Variants in TFAP4 observed in about 807,000 individuals in gnomAD.
TFAP4 encodes the protein transcription factor AP-4.
Under a neutral mutation model 40.4 loss-of-function variants are expected in TFAP4, and 7 were observed. That is an observed-to-expected ratio of 0.17 (90% CI 0.10 to 0.33). TFAP4 has a LOEUF of 0.33. Among genes scored for constraint, TFAP4 ranks in the 10% least tolerant of loss-of-function variants. TFAP4 has a pLI of 1.00. For missense variants in TFAP4, 374 were observed against 451.1 expected (o/e 0.83, Z 1.55); for synonymous variants, 218 against 181.4 (o/e 1.20, Z -1.62).
rs1317751181 is a variant in TFAP4 at position 4,260,538 on chromosome 16, C to T, written c.583G>A (p.Val195Met). 3.1e-6 allele frequency: 5 copies of T among 1,611,728 alleles called. No individual in the cohort carries two copies. Among genetic ancestry groups the T allele is most frequent in the African/African-American group, 1.3e-5 (1 of 74,888 alleles). Residue 195 changes from valine (V) to methionine (M), a missense_variant, in exon 5 of 7, where the codon GTG becomes ATG. Val to Met is a conservative substitution (Grantham distance 21). Transcript: ENST00000204517. The part of the protein sequence containing the change: ...PEKLKVIAQQ[V>M]QLQQQQEQVR... ...TGTTCCTGCTGCTGCTGCAGCTGCA[C>T]CTGCTGCGCAATCACCTTGAGCTTT...
Position 4,258,072 on chromosome 16 carries a change from C to G in TFAP4, c.1000G>C (p.Asp334His). The change falls in exon 7 of 7, where the codon GAC becomes CAC. Residue 334 changes from aspartate (D) to histidine (H), a missense_variant. Transcript: ENST00000204517. ...GGGGGTAGTCAGGGAAGCTCCCCGT[C>G]CCCCGACGGCTCCTCCCGGCTCTGG... ...MDQSREEPSG[D>H]GELP 35 of 1,612,376 alleles carry G rather than the reference C, an allele frequency of 2.2e-5. No individual in the cohort carries two copies. Among genetic ancestry groups the G allele is most frequent in the Non-Finnish European group, 3.0e-5 (35 of 1,179,744 alleles).
At chr16:4,270,230 C>G (rs1335441184) in intron 1 of TFAP4, among the ~76,000 whole-genome samples, 1 of 152,170 alleles carries the variant, frequency 6.6e-6, no homozygotes, top group Non-Finnish European at 1.5e-5. Flanking sequence ...TTGCCATACC[C>G]ATAGCTAATT....
chr16:4,259,130 T>C (rs751176240), intron 6 of TFAP4, among the ~76,000 whole-genome samples: 3 of 151,852 alleles, frequency 2.0e-5, no homozygotes, highest in Non-Finnish European at 4.4e-5. Context: ...ACCTTTCATA[T>C]GTTTTTGTTT....
intron 4 of TFAP4, among the ~76,000 whole-genome samples, chr16:4,261,139 T>C (rs761368964): frequency 5.9e-5 from 9 of 151,800 alleles, no homozygotes; most frequent in Non-Finnish European, 1.3e-4. Flanking sequence ...TGGCTAATTT[T>C]TGTATCTTTT....
chr16:4,259,431 G>A lies in TFAP4; in HGVS notation c.822+659C>T, dbSNP rs144838759. On this transcript the variant is annotated intron_variant, in intron 6 of 6. Coordinates refer to ENST00000204517, the MANE Select transcript of TFAP4 (RefSeq NM_003223.3). ...ATTGCAGGTGTGAGCCACCACACCC[G>A]GCCATATGTTTATGTATTTTAAAGC... Among the ~76,000 whole-genome samples, 141 of 152,180 alleles carry A rather than the reference G, an allele frequency of 9.3e-4. 2 individuals carry two copies. The highest frequency in any genetic ancestry group is 3.2e-3 in the African/African-American group (134 of 41,512).
intron 2 of TFAP4, 32 bp downstream of exon 2, chr16:4,262,504 T>C: frequency 6.2e-7 from 1 of 1,612,940 alleles, no homozygotes; most frequent in Non-Finnish European, 8.5e-7. Context: ...ACCTGCCGGC[T>C]CCTCCAGGAA....
intron 4 of TFAP4, 81 bp downstream of exon 4, chr16:4,261,698 G>A (rs2052949773): frequency 7.7e-6 from 11 of 1,422,582 alleles, no homozygotes; most frequent in Non-Finnish European, 9.2e-6. Flanking sequence ...GCTCCACCGA[G>A]GGCCGCAGAG....
chr16:4,272,839 G>C lies in TFAP4; in HGVS notation c.-93C>G, dbSNP rs999590869. ...CCGAATCAAAGGGCAGCGCCGGACG[G>C]AGGTGCAGAATCGGCCGGTCCCAGA... On this transcript the variant is annotated 5_prime_UTR_variant, in exon 1 of 7. Transcript: ENST00000204517. 5.1e-6 allele frequency: 6 copies of C among 1,184,482 alleles called. No homozygotes were observed. Among genetic ancestry groups the C allele is most frequent in the Non-Finnish European group, 6.9e-6 (6 of 864,070 alleles). 73.4% of individuals were successfully genotyped at this position (1,184,482 alleles called of 1,614,324 possible). A position where few individuals can be genotyped will look rare whatever the true frequency, so the allele number is the denominator to read the frequency against.
At position 4,258,046 on chromosome 16, in the gene TFAP4, G is replaced by A. The variant is rs200099469; in HGVS notation, c.*9C>T. 21 of 1,608,304 alleles carry A rather than the reference G, an allele frequency of 1.3e-5. No individual in the cohort carries two copies. The highest frequency in any genetic ancestry group is 1.8e-5 in the Non-Finnish European group (21 of 1,178,744). Reference sequence around the variant, plus strand: ...GCCCCCAGAAGGGAGAGGAGGGCTGGGGGGGTAGTCAGGGAAGCTCCCCGT... The same window carrying A: ...GCCCCCAGAAGGGAGAGGAGGGCTGAGGGGGTAGTCAGGGAAGCTCCCCGT... On this transcript the variant is annotated 3_prime_UTR_variant, in exon 7 of 7. Coordinates refer to ENST00000204517, the MANE Select transcript of TFAP4 (RefSeq NM_003223.3).
chr16:4,272,486 G>C (rs2141098993), intron 1 of TFAP4, among the ~76,000 whole-genome samples, 172 bp downstream of exon 1: 1 of 152,062 alleles, frequency 6.6e-6, no homozygotes, highest in East Asian at 2.0e-4. Context: ...CAAGGAAGGA[G>C]GGTCCCGGGG....
chr16:4,258,516 A>C, intron 6 of TFAP4: 1 of 328,286 alleles, frequency 3.0e-6, no homozygotes, highest in South Asian at 8.2e-5. Context: ...GGCTCCAGCG[A>C]TCCTCCTACT....
At chr16:4,264,954 C>G (rs2141093971) in intron 1 of TFAP4, 1 of 152,390 alleles carries the variant, frequency 6.6e-6, no homozygotes, top group East Asian at 1.9e-4. Flanking sequence ...CCACCCAGCC[C>G]CTGGGTCCCT....
intron 4 of TFAP4, among the ~76,000 whole-genome samples, chr16:4,260,816 A>G (rs566128284): frequency 2.0e-5 from 3 of 152,224 alleles, no homozygotes; most frequent in South Asian, 4.1e-4. Context: ...GTCTTTGCCT[A>G]TGCTATTCCC....
intron 1 of TFAP4, chr16:4,266,522 G>A (rs2052997507): frequency 6.6e-6 from 1 of 152,018 alleles, no homozygotes; most frequent in African/African-American, 2.4e-5. Context: ...GCTTCTGATT[G>A]GTGGAATAGG....
intron 1 of TFAP4, among the ~76,000 whole-genome samples, chr16:4,267,608 CAA>C (rs1362738871): frequency 2.0e-5 from 3 of 152,182 alleles, no homozygotes; most frequent in Non-Finnish European, 4.4e-5. Flanking sequence ...CTGCCCAGGC[CAA>C]AGTCAAGTAC....
intron 1 of TFAP4, among the ~76,000 whole-genome samples, chr16:4,269,812 AAC>A (rs2053027568): frequency 1.3e-4 from 4 of 30,060 alleles, no homozygotes; most frequent in Non-Finnish European, 2.5e-4. Context: ...TCCATCTCAA[AAC>A]AAACAAACAA....
rs140032266 is a variant in TFAP4, at chr16:4,268,481, T to C, written c.89+4177A>G. 1.2e-3 allele frequency among the ~76,000 whole-genome samples: 190 copies of C among 152,310 alleles called. 3 individuals carry two copies. The highest frequency in any genetic ancestry group is 0.01 in the Admixed American group (157 of 15,290). Reference sequence around the variant, plus strand: ...GGCTGTATCCTCAGTCCCGGCAGAATGTTGTTGCTTCATAAATAAATCAGG... The same window carrying C: ...GGCTGTATCCTCAGTCCCGGCAGAACGTTGTTGCTTCATAAATAAATCAGG... On this transcript the variant is annotated intron_variant, in intron 1 of 6. Transcript: ENST00000204517.
Position 4,272,611 on chromosome 16 carries a change from G to C in TFAP4, c.89+47C>G, listed in dbSNP as rs532886561. The C allele has an allele frequency of 4.4e-5, 65 of 1,479,082 alleles. No individual in the cohort carries two copies. The South Asian group carries it at 4.6e-4, about 10-fold the overall frequency. 91.6% of individuals were successfully genotyped at this position (1,479,082 alleles called of 1,614,324 possible). A position where few individuals can be genotyped will look rare whatever the true frequency, so the allele number is the denominator to read the frequency against. ...GCGCGCCCGCCCGGGCGGGCTGGCC[G>C]GGGGCTGCAGTGGTAGGAAGGGGGT... On this transcript the variant is annotated intron_variant, in intron 1 of 6. Coordinates refer to ENST00000204517, the MANE Select transcript of TFAP4 (RefSeq NM_003223.3).
chr16:4,272,614 G>A, intron 1 of TFAP4, 44 bp downstream of exon 1: 1 of 1,521,814 alleles, frequency 6.6e-7, no homozygotes, highest in South Asian at 1.2e-5. Context: ...GCTGGCCGGG[G>A]GCTGCAGTGG....
Sources: allele counts gnomAD v4.1 joint callset (sites outside exome capture counted in the v4.1 genomes callset), GRCh38; gene constraint gnomAD v4.1.1; transcripts MANE v1.5; gene names NCBI Gene and HGNC (gene_info 2026-07-23, HGNC 2026-07-21).